The following GRID2 variants were observed in gnomAD, a reference collection of about 807,000 sequenced individuals.
GRID2 encodes glutamate receptor ionotropic, delta-2.
Under a neutral mutation model 114.8 loss-of-function variants are expected in GRID2, and 33 were observed. That is an observed-to-expected ratio of 0.29 (90% CI 0.22 to 0.38). The LOEUF (loss-of-function observed/expected upper bound fraction) is 0.38. Ranked by LOEUF, GRID2 falls within the 10% of genes least tolerant of loss-of-function variation. GRID2 has a pLI of 1.00. For synonymous variants in GRID2, 505 were observed against 449.9 expected (o/e 1.12, Z -1.55); for missense variants, 1,184 against 1,257.7 (o/e 0.94, Z 0.89).
At chr4:93,351,757 G>C (rs1277680213) in intron 8 of GRID2, among the ~76,000 whole-genome samples, 1 of 152,046 alleles carries the variant, frequency 6.6e-6, no homozygotes, top group African/African-American at 2.4e-5. Context: ...GGGAGACTCA[G>C]AGAGTTTAAG....
At chr4:92,591,718 T>C (rs545580268) in intron 2 of GRID2, among the ~76,000 whole-genome samples, 7 of 152,290 alleles carry the variant, frequency 4.6e-5, no homozygotes, top group African/African-American at 1.7e-4. Context: ...AACTTATTTA[T>C]GTTAGTTAGA....
intron 11 of GRID2, among the ~76,000 whole-genome samples, chr4:93,470,725 T>G (rs1724721138): frequency 6.6e-6 from 1 of 152,040 alleles, no homozygotes; most frequent in African/African-American, 2.4e-5. Flanking sequence ...ATTGACAAAA[T>G]TAAAAACAAA....
At chr4:92,829,151 T>G in intron 2 of GRID2, among the ~76,000 whole-genome samples, 1 of 152,212 alleles carries the variant, frequency 6.6e-6, no homozygotes. Context: ...GTTTTAGGTT[T>G]TACATTTAAG....
chr4:93,244,406 G>T (rs1349893637), intron 8 of GRID2, among the ~76,000 whole-genome samples: 1 of 151,108 alleles, frequency 6.6e-6, no homozygotes, highest in Non-Finnish European at 1.5e-5. Flanking sequence ...GGGCTCTCCA[G>T]CTTTAAATTC....
chr4:93,494,196 A>G (rs1432665419), intron 12 of GRID2, among the ~76,000 whole-genome samples: 2 of 151,860 alleles, frequency 1.3e-5, no homozygotes, highest in Non-Finnish European at 2.9e-5. Context: ...TATATTAATA[A>G]GATTTGCTCA....
At position 92,473,353 on chromosome 4, in the gene GRID2, A is replaced by G. The variant is rs1722134721; in HGVS notation, c.89-116778A>G. 2.0e-5 allele frequency among the ~76,000 whole-genome samples: 3 copies of G among 152,104 alleles called. No homozygotes were observed. The South Asian group carries it at 6.2e-4, about 32-fold the overall frequency. On this transcript the variant is annotated intron_variant, in intron 1 of 15. Coordinates refer to ENST00000282020, the MANE Select transcript of GRID2 (RefSeq NM_001510.4). ...CTTCTGTTGGATTTTCTTCTTACAC[A>G]TCGGTCGTCTTATAATAAGGAAAGT...
intron 10 of GRID2, among the ~76,000 whole-genome samples, chr4:93,448,633 A>C (rs1722319951): frequency 6.6e-6 from 1 of 152,052 alleles, no homozygotes; most frequent in African/African-American, 2.4e-5. Context: ...CAGTAAGAGA[A>C]GGCTTTTCAC....
At chr4:93,464,098 T>C (rs1724037271) in intron 11 of GRID2, among the ~76,000 whole-genome samples, 1 of 152,198 alleles carries the variant, frequency 6.6e-6, no homozygotes, top group African/African-American at 2.4e-5. Context: ...TTTTTTCAGC[T>C]TAAGTAGTAA....
At chr4:92,844,367 C>T (rs552325643) in intron 2 of GRID2, among the ~76,000 whole-genome samples, 10 of 151,950 alleles carry the variant, frequency 6.6e-5, no homozygotes, top group African/African-American at 2.2e-4. Flanking sequence ...GGTGAAACCC[C>T]GTCTCTGCTA....
intron 2 of GRID2, among the ~76,000 whole-genome samples, chr4:92,752,746 A>AAT (rs1737514289): frequency 1.3e-5 from 2 of 152,198 alleles, no homozygotes; most frequent in African/African-American, 2.4e-5. Flanking sequence ...ACATACACCA[A>AAT]ATATATATAT....
At chr4:93,715,802 T>C (rs112564756) in intron 14 of GRID2, among the ~76,000 whole-genome samples, 6,416 of 152,260 alleles carry the variant, frequency 0.042, 218 homozygotes, top group African/African-American at 0.085. Flanking sequence ...ACTGCTGAAG[T>C]TGTATATCAG....
chr4:93,297,552 T>C (rs1488704051), intron 8 of GRID2, among the ~76,000 whole-genome samples: 1 of 152,204 alleles, frequency 6.6e-6, no homozygotes, highest in African/African-American at 2.4e-5. Flanking sequence ...ATGCTCAATG[T>C]AGTGATCCCT....
intron 13 of GRID2, among the ~76,000 whole-genome samples, chr4:93,587,697 A>G (rs1737686870): frequency 6.6e-6 from 1 of 151,956 alleles, no homozygotes; most frequent in South Asian, 2.1e-4. Flanking sequence ...TTAACTTTCT[A>G]TTTAGATATT....
intron 2 of GRID2, among the ~76,000 whole-genome samples, chr4:93,001,816 G>T (rs1239725145): frequency 6.6e-6 from 1 of 151,632 alleles, no homozygotes; most frequent in African/African-American, 2.4e-5. Flanking sequence ...ATTCACAGGA[G>T]CTAAGCAAAA....
chr4:92,463,147 AC>A (rs1191760276), intron 1 of GRID2, among the ~76,000 whole-genome samples: 1 of 151,844 alleles, frequency 6.6e-6, no homozygotes, highest in African/African-American at 2.4e-5. Flanking sequence ...AAAATATGTA[AC>A]TAGTTAGTGT....
Position 93,514,331 on chromosome 4 carries a change from C to A in GRID2, c.1998-885C>A, listed in dbSNP as rs373269416. Among the ~76,000 whole-genome samples the A allele has an allele frequency of 6.5e-4, 98 of 151,198 alleles. 2 individuals carry two copies. The South Asian group carries it at 0.02, about 31-fold the overall frequency. ...TAACATAAAAGATTGACTTAAAAAT[C>A]TTGAAGCATTATTCTGAATATGTTT... is the stretch of plus-strand genomic sequence containing the variant. On this transcript the variant is annotated intron_variant, in intron 12 of 15. Transcript: ENST00000282020.
chr4:93,023,719 T>C (rs1223293216), intron 2 of GRID2, among the ~76,000 whole-genome samples: 2 of 151,858 alleles, frequency 1.3e-5, no homozygotes, highest in Admixed American at 1.3e-4. Context: ...TTACTTTTCC[T>C]TAAATAAGCT....
At chr4:92,689,195 A>C (rs1365221205) in intron 2 of GRID2, among the ~76,000 whole-genome samples, 1 of 152,180 alleles carries the variant, frequency 6.6e-6, no homozygotes, top group Admixed American at 6.6e-5. Context: ...ATAATTCTTA[A>C]GAGCTAGGAT....
chr4:93,537,978 C>A (rs1461246138), intron 13 of GRID2, among the ~76,000 whole-genome samples: 1 of 151,612 alleles, frequency 6.6e-6, no homozygotes, highest in African/African-American at 2.4e-5. Context: ...GTTTTCTATC[C>A]TGAAATATTT....
Sources: gnomAD v4.1 joint callset for allele counts (sites outside exome capture counted in the v4.1 genomes callset) on GRCh38, gnomAD v4.1.1 for gene constraint, MANE v1.5 for transcripts, NCBI Gene and HGNC (gene_info 2026-07-23, HGNC 2026-07-21) for gene names.